FAM53A: variants seen among roughly 807,000 people sequenced by gnomAD.
FAM53A encodes protein FAM53A.
FAM53A carries 28 observed loss-of-function variants against 26.6 expected under a neutral mutation model. The ratio of observed to expected loss-of-function variants is 1.05; its 90% CI spans 0.78 to 1.45. FAM53A has a LOEUF of 1.45. Among genes scored for constraint, FAM53A ranks in the 40% most tolerant of loss-of-function variants. The pLI, the probability that FAM53A is intolerant of heterozygous loss-of-function variation, is 0.00. For synonymous variants in FAM53A, 290 were observed against 253.1 expected (o/e 1.15, Z -1.38); for missense variants, 650 against 575.8 (o/e 1.13, Z -1.32).
At chr4:1,649,199 A>AGGGG (rs1373782326) in intron 4 of FAM53A, among the ~76,000 whole-genome samples, 8,723 of 142,834 alleles carry the variant, frequency 0.061, 945 homozygotes, top group African/African-American at 0.2. Flanking sequence ...GGGAAGGGGA[A>AGGGG]AGGGAAAGGG....
At chr4:1,598,696 T>C in the FAM53A span, among the ~76,000 whole-genome samples, 3 of 152,224 alleles carry the variant, frequency 2.0e-5, no homozygotes, top group African/African-American at 7.2e-5. Flanking sequence ...GTGTATCTCT[T>C]ACACTGAGAC....
At chr4:1,651,032 C>T (rs547467355) in intron 4 of FAM53A, among the ~76,000 whole-genome samples, 18 of 148,042 alleles carry the variant, frequency 1.2e-4, no homozygotes, top group African/African-American at 3.5e-4. Flanking sequence ...GCCTGGCCAA[C>T]GTGGTGAAAC....
At position 1,654,444 on chromosome 4, in the gene FAM53A, T is replaced by TC. The variant is rs564032587; in HGVS notation, c.882+533dup. On this transcript the variant is annotated intron_variant, in intron 4 of 4. Transcript: ENST00000308132. ...AGAATCTTCAAGTGGGTGAAGGCTCTCTCCTACATCCAGACAGTTTCTGCA... is the reference window on the plus strand; with the variant it reads ...AGAATCTTCAAGTGGGTGAAGGCTCTCCTCCTACATCCAGACAGTTTCTGCA... Among the ~76,000 whole-genome samples, 37 of 152,346 alleles carry TC rather than the reference T, an allele frequency of 2.4e-4. 2 individuals are homozygous for TC. In the South Asian group the frequency reaches 5.2e-3, roughly 21 times the overall value.
downstream of FAM53A, among the ~76,000 whole-genome samples, chr4:1,613,038 A>G (rs1315254836): frequency 2.0e-5 from 3 of 152,190 alleles, no homozygotes; most frequent in African/African-American, 4.8e-5. Context: ...CCCAGTGACC[A>G]AAGGGTCAGC....
At chr4:1,590,175 A>G in the FAM53A span, among the ~76,000 whole-genome samples, 1 of 152,160 alleles carries the variant, frequency 6.6e-6, no homozygotes. Context: ...AGATATCTGG[A>G]CTTTCCTTTT....
downstream of FAM53A, chr4:1,617,838 G>A (rs1490858287): frequency 2.8e-6 from 1 of 360,268 alleles, no homozygotes; most frequent in Non-Finnish European, 5.5e-6. Context: ...CAGAGCCTCA[G>A]GCCTGAGGGT....
At position 1,676,302 on chromosome 4, in the gene FAM53A, G is replaced by C. The variant is rs369438553; in HGVS notation, c.-164-7397C>G. On this transcript the variant is annotated intron_variant, in intron 1 of 4. Coordinates refer to ENST00000308132, the MANE Select transcript of FAM53A (RefSeq NM_001174070.3). ...AGTCTTCCCACCGCATTCTCCCTGC[G>C]TGTGCCTGTGTGCAAGTCTCCCCAT... 6.4e-4 allele frequency among the ~76,000 whole-genome samples: 97 copies of C among 152,284 alleles called. 1 individual carries two copies. The highest frequency in any genetic ancestry group is 3.4e-3 in the Middle Eastern group (1 of 294).
chr4:1,574,259 C>A, the FAM53A span: 1 of 152,600 alleles, frequency 6.6e-6, no homozygotes, highest in Non-Finnish European at 1.5e-5. Flanking sequence ...TGGTCCAGGA[C>A]TCTGCACCAT....
At chr4:1,593,599 G>A in the FAM53A span, among the ~76,000 whole-genome samples, 3 of 152,138 alleles carry the variant, frequency 2.0e-5, no homozygotes, top group African/African-American at 7.2e-5. Flanking sequence ...TGTCCTGGAC[G>A]CTCGTCTGGA....
At chr4:1,658,255 C>A (rs1713562320) in intron 2 of FAM53A, among the ~76,000 whole-genome samples, 1 of 152,072 alleles carries the variant, frequency 6.6e-6, no homozygotes, top group African/African-American at 2.4e-5. Flanking sequence ...CTCTTCACCT[C>A]GTGATCTTCC....
At chr4:1,624,620 C>T (rs141364891) in intron 1 of FAM53A, among the ~76,000 whole-genome samples, 72 of 152,316 alleles carry the variant, frequency 4.7e-4, no homozygotes, top group South Asian at 1.7e-3. Context: ...GAACCCTCCG[C>T]GCAAACCAAA....
intron 4 of FAM53A, among the ~76,000 whole-genome samples, chr4:1,652,653 T>C (rs1437850254): frequency 8.5e-6 from 1 of 118,306 alleles, no homozygotes; most frequent in African/African-American, 3.4e-5. Flanking sequence ...ACATATCCAA[T>C]ACACCACATA....
At chr4:1,579,635 T>C in the FAM53A span, among the ~76,000 whole-genome samples, 1 of 152,148 alleles carries the variant, frequency 6.6e-6, no homozygotes, top group Non-Finnish European at 1.5e-5. Flanking sequence ...TGGGGCTGCC[T>C]CCCAGCGCCG....
the FAM53A span, among the ~76,000 whole-genome samples, chr4:1,604,873 G>A: frequency 1.3e-5 from 2 of 151,922 alleles, no homozygotes; most frequent in South Asian, 2.1e-4. Flanking sequence ...CCCCGCTCCC[G>A]CAGTGCTGTC....
chr4:1,579,345 C>A, the FAM53A span, among the ~76,000 whole-genome samples: 1 of 151,854 alleles, frequency 6.6e-6, no homozygotes. Context: ...AGGCCCCTCC[C>A]TACCCCGGCC....
At chr4:1,602,812 C>G in the FAM53A span, among the ~76,000 whole-genome samples, 3 of 152,230 alleles carry the variant, frequency 2.0e-5, no homozygotes, top group Middle Eastern at 6.8e-3. Context: ...CACTAGGGCC[C>G]CAGGAGGGGT....
chr4:1,632,196 G>C (rs1347367695), intron 1 of FAM53A, among the ~76,000 whole-genome samples: 1 of 150,926 alleles, frequency 6.6e-6, no homozygotes, highest in East Asian at 1.9e-4. Context: ...AGTATTTGGA[G>C]ATACGGTCTC....
chr4:1,641,686 CTCGGTGTGCTGGGGCTCTGGCCA>C, intron 4 of FAM53A, 79 bp from the exon 5 acceptor site: 1 of 1,466,798 alleles, frequency 6.8e-7, no homozygotes, highest in South Asian at 1.1e-5. Flanking sequence ...CCATCGAGGG[CTCGGTGTGCTGGGGCTCTGGCCA>C]TCCCCAAGAC....
At chr4:1,679,379 A>G (rs145790011) in intron 1 of FAM53A, among the ~76,000 whole-genome samples, 4 of 115,934 alleles carry the variant, frequency 3.5e-5, no homozygotes, top group Non-Finnish European at 6.8e-5. Flanking sequence ...GGGTGAGACC[A>G]TGTCTCCAAA....
Sources: allele counts gnomAD v4.1 joint callset (sites outside exome capture counted in the v4.1 genomes callset), GRCh38; gene constraint gnomAD v4.1.1; transcripts MANE v1.5; gene names NCBI Gene and HGNC (gene_info 2026-07-23, HGNC 2026-07-21).